The following BANK1 variants were observed in gnomAD, a reference collection of about 807,000 sequenced individuals.
BANK1 encodes the protein B cell scaffold protein with ankyrin repeats 1, also known as B-cell scaffold protein with ankyrin repeats.
Under a neutral mutation model 94.5 loss-of-function variants are expected in BANK1, and 95 were observed. The ratio of observed to expected loss-of-function variants is 1.00; its 90% CI spans 0.85 to 1.19. BANK1 has a LOEUF of 1.19. Ranked by LOEUF, BANK1 falls within the 50% of genes most tolerant of loss-of-function variation. The pLI, the probability that BANK1 is intolerant of heterozygous loss-of-function variation, is 0.00. For synonymous variants in BANK1, 334 were observed against 308.4 expected, an observed-to-expected ratio of 1.08 and a Z score of -0.87; for missense variants, 987 against 932.2, an observed-to-expected ratio of 1.06 and a Z score of -0.77.
chr4:101,872,153 T>C (rs565495295), intron 5 of BANK1, among the ~76,000 whole-genome samples: 12 of 152,242 alleles, frequency 7.9e-5, no homozygotes, highest in African/African-American at 2.6e-4. Flanking sequence ...ATTCAGGTTT[T>C]ACCATCAGGA....
intron 11 of BANK1, among the ~76,000 whole-genome samples, chr4:102,049,629 G>A (rs530206026): frequency 3.9e-5 from 6 of 152,154 alleles, no homozygotes; most frequent in Non-Finnish European, 8.8e-5. Flanking sequence ...GCAGGAGAGG[G>A]CCACCCACCC....
intron 6 of BANK1, among the ~76,000 whole-genome samples, chr4:101,904,850 T>G (rs1465276529): frequency 6.6e-6 from 1 of 152,182 alleles, no homozygotes; most frequent in Non-Finnish European, 1.5e-5. Flanking sequence ...ATTGAGTGGG[T>G]TGAATTGGCC....
intron 7 of BANK1, among the ~76,000 whole-genome samples, chr4:101,923,940 C>G (rs1437733847): frequency 6.6e-6 from 1 of 151,578 alleles, no homozygotes; most frequent in African/African-American, 2.4e-5. Context: ...TGTAGAGCCC[C>G]AAAGAGCTCA....
At chr4:101,877,316 G>A (rs1181924584) in intron 5 of BANK1, among the ~76,000 whole-genome samples, 2 of 152,100 alleles carry the variant, frequency 1.3e-5, no homozygotes, top group Non-Finnish European at 2.9e-5. Context: ...ATGTCTGTGA[G>A]CAATAAGAAA....
intron 7 of BANK1, among the ~76,000 whole-genome samples, chr4:101,964,902 C>CTAT (rs1724694082): frequency 1.4e-5 from 2 of 142,098 alleles, no homozygotes; most frequent in South Asian, 2.4e-4. Context: ...TCTCCCAATG[C>CTAT]GATCCCTCCC....
chr4:101,974,123 A>G lies in BANK1; in HGVS notation c.1207-47391A>G, dbSNP rs557866697. On this transcript the variant is annotated intron_variant, in intron 7 of 16. Coordinates refer to ENST00000322953, the MANE Select transcript of BANK1 (RefSeq NM_017935.5). ...TATTAAATGAATTTAAATAATAAAT[A>G]TTCCTATTTAGAAATATTTAAATAC... 2.8e-4 allele frequency among the ~76,000 whole-genome samples: 42 copies of G among 152,250 alleles called. 2 individuals are homozygous for G. The South Asian group carries it at 8.7e-3, about 32-fold the overall frequency.
At chr4:101,894,777 G>T (rs1220973210) in intron 5 of BANK1, among the ~76,000 whole-genome samples, 1 of 151,918 alleles carries the variant, frequency 6.6e-6, no homozygotes, top group Admixed American at 6.6e-5. Flanking sequence ...GAGAAATAGA[G>T]TAGAATATAG....
intron 11 of BANK1, among the ~76,000 whole-genome samples, chr4:102,055,646 T>C (rs1297687807): frequency 2.6e-5 from 4 of 152,090 alleles, no homozygotes; most frequent in African/African-American, 9.7e-5. Context: ...ATATAATTAA[T>C]ACATAATTCA....
rs554982414 is a variant in BANK1, at chr4:101,816,198, C to T, written c.71-13610C>T. 2.6e-5 allele frequency among the ~76,000 whole-genome samples: 4 copies of T among 152,244 alleles called. 1 individual carries two copies. The highest frequency in any genetic ancestry group is 6.8e-3 in the Middle Eastern group (2 of 294). On this transcript the variant is annotated intron_variant, in intron 1 of 16. Transcript: ENST00000322953. ...GGCTTGTTATGCAGGTATAATTGCT[C>T]GCAAAGGAAAACTGAGAAACATGAG...
Position 101,829,859 on chromosome 4 carries a change from C to A in BANK1, c.122C>A (p.Ala41Asp). 6.2e-7 allele frequency: 1 copy of A among 1,605,972 alleles called. No homozygotes were observed. The highest frequency in any genetic ancestry group is 8.5e-7 in the Non-Finnish European group (1 of 1,175,256). The change falls in exon 2 of 17, where the codon GCT becomes GAT. Residue 41 changes from alanine (A) to aspartate (D), a missense_variant. Physicochemically the swap from Ala to Asp is moderately radical, Grantham distance 126 (BLOSUM62 -2). Coordinates refer to ENST00000322953, the MANE Select transcript of BANK1 (RefSeq NM_017935.5). ...MIYEEDAEEWALYLTEVFLHV... is the reference protein window; with the variant it reads ...MIYEEDAEEWDLYLTEVFLHV... ...TATGAAGAAGATGCTGAGGAATGGG[C>A]TCTGTACTTGACAGAAGTATTTTTA...
At position 101,895,370 on chromosome 4, in the gene BANK1, G is replaced by A. The variant is rs1295543184; in HGVS notation, c.969G>A (p.Glu323=). Residue 323 remains glutamate (E), a synonymous_variant, in exon 6 of 17, where the codon GAG becomes GAA. Transcript: ENST00000322953. ...TCAAACATGAGATACCATATTATGA[G>A]TTCCAGTCTCTTCAAACTGAAATTT... ...SIFKHEIPYY[E]FQSLQTEICS... is the part of the protein sequence containing the mutation. The A allele has an allele frequency of 6.3e-7, 1 of 1,595,754 alleles. No individual in the cohort carries two copies. The highest frequency in any genetic ancestry group is 8.5e-7 in the Non-Finnish European group (1 of 1,170,410).
At chr4:102,033,353 C>A (rs2148951981) in intron 10 of BANK1, among the ~76,000 whole-genome samples, 1 of 152,300 alleles carries the variant, frequency 6.6e-6, no homozygotes, top group East Asian at 1.9e-4. Flanking sequence ...AGGCTTTCAA[C>A]CCATCCCTAA....
intron 1 of BANK1, among the ~76,000 whole-genome samples, chr4:101,812,073 T>G (rs1020591666): frequency 3.3e-5 from 5 of 152,014 alleles, no homozygotes; most frequent in African/African-American, 9.6e-5. Flanking sequence ...ATAATACTTA[T>G]GAATGATTAT....
At position 101,862,650 on chromosome 4, in the gene BANK1, G is replaced by T; in HGVS notation, c.749G>T (p.Cys250Phe). Residue 250 changes from cysteine (C) to phenylalanine (F), a missense_variant, in exon 4 of 17, where the codon TGC (cysteine) becomes TTC (phenylalanine). By Grantham distance (205) the Cys-to-Phe change is radical (BLOSUM62 -2). Coordinates refer to ENST00000322953, the MANE Select transcript of BANK1 (RefSeq NM_017935.5). Reference sequence around the variant, plus strand: ...GCCCTTTGGAATAAGAAAGTCTGGTGCATGAAAGCTTTAGGTAAGAATGTT... The same window carrying T: ...GCCCTTTGGAATAAGAAAGTCTGGTTCATGAAAGCTTTAGGTAAGAATGTT... Reference protein sequence around the residue: ...RPALWNKKVWCMKALEFPAGS... With the variant: ...RPALWNKKVWFMKALEFPAGS... 1 of 1,602,974 alleles carries T rather than the reference G, an allele frequency of 6.2e-7. No individual in the cohort carries two copies. Among genetic ancestry groups the T allele is most frequent in the Non-Finnish European group, 8.5e-7 (1 of 1,175,730 alleles).
At chr4:102,057,421 C>A (rs1461666332) in intron 11 of BANK1, among the ~76,000 whole-genome samples, 1 of 151,092 alleles carries the variant, frequency 6.6e-6, no homozygotes, top group Non-Finnish European at 1.5e-5. Flanking sequence ...AATTCAGTGG[C>A]GATCTCAGCT....
In BANK1 at chr4:102,030,260, C is replaced by T. The variant is rs1432175742; in HGVS notation, c.1895C>T (p.Ala632Val). The T allele has an allele frequency of 3.2e-6, 5 of 1,568,372 alleles. No individual in the cohort carries two copies. Among genetic ancestry groups the T allele is most frequent in the Non-Finnish European group, 4.3e-6 (5 of 1,165,316 alleles). The change falls in exon 10 of 17, where the codon GCT becomes GTT. Residue 632 changes from alanine (A) to valine (V), a missense_variant. By Grantham distance (64) the Ala-to-Val change is moderately conservative (BLOSUM62 0). Coordinates refer to ENST00000322953, the MANE Select transcript of BANK1 (RefSeq NM_017935.5). ...PPKEETTPYI[A>V]QVFQQKTARR... ...AAAGAGGAAACTACACCTTACATAG[C>T]TCAAGGTAATTATCATTGTTGTTTG...
intron 11 of BANK1, among the ~76,000 whole-genome samples, chr4:102,053,131 CAG>C (rs1382635615): frequency 1.3e-5 from 2 of 152,108 alleles, no homozygotes; most frequent in African/African-American, 4.8e-5. Flanking sequence ...AGACCGAAAA[CAG>C]TAATAAGATG....
intron 7 of BANK1, among the ~76,000 whole-genome samples, chr4:102,014,217 T>C (rs1338301435): frequency 6.6e-6 from 1 of 152,132 alleles, no homozygotes; most frequent in Admixed American, 6.6e-5. Context: ...AACTAGAGTA[T>C]AGTAAAAATT....
At chr4:101,943,105 A>G (rs1723808432) in intron 7 of BANK1, among the ~76,000 whole-genome samples, 1 of 151,936 alleles carries the variant, frequency 6.6e-6, no homozygotes, top group African/African-American at 2.4e-5. Context: ...TAAAGGTGAG[A>G]GAGAATGTGA....
Sources: gnomAD v4.1 joint callset for allele counts (sites outside exome capture counted in the v4.1 genomes callset) on GRCh38, gnomAD v4.1.1 for gene constraint, MANE v1.5 for transcripts, NCBI Gene and HGNC (gene_info 2026-07-23, HGNC 2026-07-21) for gene names.